The following EIF2S2 variants were observed in gnomAD, a reference collection of about 807,000 sequenced individuals.
EIF2S2 encodes eukaryotic translation initiation factor 2 subunit 2.
A neutral mutation model predicts 44.0 loss-of-function variants in EIF2S2; 4 were observed. The ratio of observed to expected loss-of-function variants is 0.09; its 90% CI spans 0.04 to 0.21. The LOEUF is 0.21. Among genes scored for constraint, EIF2S2 ranks in the 10% least tolerant of loss-of-function variants. EIF2S2 has a pLI of 1.00. For synonymous variants in EIF2S2, 108 were observed against 128.3 expected (o/e 0.84, Z 1.07); for missense variants, 154 against 392.0 (o/e 0.39, Z 5.13).
At chr20:34,097,367 G>T in intron 5 of EIF2S2, 49 bp downstream of exon 5, 2 of 1,450,212 alleles carry the variant, frequency 1.4e-6, no homozygotes, top group South Asian at 2.3e-5. Flanking sequence ...GCTCTTCTTT[G>T]AGCACTAGTG....
chr20:34,098,238 C>T (rs1029177103), intron 4 of EIF2S2, among the ~76,000 whole-genome samples: 5 of 149,482 alleles, frequency 3.3e-5, no homozygotes. Context: ...AAGAGTGAGA[C>T]TCCGTCTCAA....
intron 1 of EIF2S2, among the ~76,000 whole-genome samples, chr20:34,107,127 G>A (rs867627773): frequency 6.6e-6 from 1 of 151,920 alleles, no homozygotes; most frequent in African/African-American, 2.4e-5. Flanking sequence ...GCAGTGAGCC[G>A]AGATCGTGCC....
rs568610722 is a variant in EIF2S2 at position 34,092,498 on chromosome 20, G to A, written c.740+1177C>T. ...ATCCTGGCTAACACGGTGAAACCTC[G>A]TCTACTAAAAATACAAAAAATTAGC... On this transcript the variant is annotated intron_variant, in intron 7 of 8. Coordinates refer to ENST00000374980, the MANE Select transcript of EIF2S2 (RefSeq NM_003908.5). Among the ~76,000 whole-genome samples, 52 of 152,130 alleles carry A rather than the reference G, an allele frequency of 3.4e-4. No individual in the cohort carries two copies. The South Asian group carries it at 5.2e-3, about 15-fold the overall frequency.
At chr20:34,098,743 G>T in intron 3 of EIF2S2, 110 bp from the exon 4 acceptor site, 1 of 1,313,406 alleles carries the variant, frequency 7.6e-7, no homozygotes, top group Non-Finnish European at 1.0e-6. Flanking sequence ...GCTCAGGCTA[G>T]TCTCAAACTC....
At chr20:34,100,068 G>A (rs2034278014) in intron 3 of EIF2S2, among the ~76,000 whole-genome samples, 1 of 152,176 alleles carries the variant, frequency 6.6e-6, no homozygotes, top group Non-Finnish European at 1.5e-5. Context: ...AGGCTGGAGT[G>A]CAGTGGCATG....
At chr20:34,109,146 C>A (rs569799036) in intron 1 of EIF2S2, among the ~76,000 whole-genome samples, 10 of 152,190 alleles carry the variant, frequency 6.6e-5, no homozygotes, top group Admixed American at 2.6e-4. Context: ...TAACTTCACA[C>A]AACACACATC....
chr20:34,101,849 A>G (rs1165168654), intron 3 of EIF2S2, among the ~76,000 whole-genome samples: 1 of 151,874 alleles, frequency 6.6e-6, no homozygotes, highest in East Asian at 1.9e-4. Context: ...TAATTTTTGT[A>G]TTTTTAGTAG....
intron 7 of EIF2S2, among the ~76,000 whole-genome samples, chr20:34,090,905 T>A (rs928735959): frequency 1.3e-5 from 2 of 151,816 alleles, no homozygotes; most frequent in African/African-American, 4.8e-5. Context: ...CTCCCCACTG[T>A]GCCCTGCTAA....
intron 3 of EIF2S2, among the ~76,000 whole-genome samples, 172 bp from the exon 4 acceptor site, chr20:34,098,805 G>GGCA (rs1486614184): frequency 3.3e-5 from 5 of 152,162 alleles, no homozygotes; most frequent in Admixed American, 1.3e-4. Flanking sequence ...TGGGATTACA[G>GGCA]GCATGAGCCA....
chr20:34,097,085 T>C (rs2034237941), intron 5 of EIF2S2, among the ~76,000 whole-genome samples: 1 of 152,142 alleles, frequency 6.6e-6, no homozygotes, highest in Non-Finnish European at 1.5e-5. Flanking sequence ...AAAAGTAAGA[T>C]TCAGGAAAGC....
intron 1 of EIF2S2, among the ~76,000 whole-genome samples, chr20:34,105,837 T>C (rs1236425519): frequency 6.6e-6 from 1 of 152,204 alleles, no homozygotes; most frequent in Non-Finnish European, 1.5e-5. Flanking sequence ...TCATGGAATT[T>C]AGGGAAGGGA....
At position 34,112,227 on chromosome 20, in the gene EIF2S2, C is replaced by T; in HGVS notation, c.-117G>A. On this transcript the variant is annotated 5_prime_UTR_variant, in exon 1 of 9. Transcript: ENST00000374980. ...CCACCACCGCACTAGGCTCTTGCATCAGCGAAAGGAAACGACACCCCGCCC... is the reference window on the plus strand; with the variant it reads ...CCACCACCGCACTAGGCTCTTGCATTAGCGAAAGGAAACGACACCCCGCCC... 8.5e-7 allele frequency: 1 copy of T among 1,179,348 alleles called. No homozygotes were observed. Among genetic ancestry groups the T allele is most frequent in the Middle Eastern group, 3.1e-4 (1 of 3,212 alleles). The allele number at this position is 1,179,348 out of a possible 1,614,324, so 73.1% of individuals were successfully genotyped here. A position where few individuals can be genotyped will look rare whatever the true frequency, so the allele number is the denominator to read the frequency against.
intron 2 of EIF2S2, among the ~76,000 whole-genome samples, chr20:34,104,966 TG>T (rs1265237038): frequency 6.6e-6 from 1 of 152,240 alleles, no homozygotes; most frequent in African/African-American, 2.4e-5. Flanking sequence ...TAACTAAAGC[TG>T]GTGTCTAACC....
chr20:34,106,445 TA>T (rs1450331352), intron 1 of EIF2S2, among the ~76,000 whole-genome samples: 19 of 100,762 alleles, frequency 1.9e-4, no homozygotes, highest in African/African-American at 7.3e-4. Flanking sequence ...TTTTTTTTTT[TA>T]AATGAAACAG....
intron 1 of EIF2S2, among the ~76,000 whole-genome samples, chr20:34,106,389 C>A (rs1462862040): frequency 1.3e-5 from 2 of 151,114 alleles, no homozygotes; most frequent in Non-Finnish European, 2.9e-5. Context: ...AACCTCTATA[C>A]AACATTTCAC....
intron 7 of EIF2S2, among the ~76,000 whole-genome samples, chr20:34,091,540 A>C (rs1363772566): frequency 6.6e-6 from 1 of 151,784 alleles, no homozygotes; most frequent in Non-Finnish European, 1.5e-5. Flanking sequence ...ATATGGTGGA[A>C]CCCCGTCTCT....
chr20:34,097,205 G>C (rs1472481482), intron 5 of EIF2S2, among the ~76,000 whole-genome samples: 1 of 152,232 alleles, frequency 6.6e-6, no homozygotes, highest in African/African-American at 2.4e-5. Flanking sequence ...TTCAGGTGGG[G>C]ACAGTGAGTA....
rs1462281705 is a variant in EIF2S2, at chr20:34,089,748, G to A, written c.984C>T (p.Leu328=). Reference sequence around the variant, plus strand: ...TAGCAAATTAGTTAGCTTTGGCACGGAGCTGTGCTCGCTTGCCCGTGACAG... The same window carrying A: ...TAGCAAATTAGTTAGCTTTGGCACGAAGCTGTGCTCGCTTGCCCGTGACAG... ...FQAVTGKRAQ[L]RAKAN is the part of the protein sequence containing the mutation. The change falls in exon 9 of 9, where the codon CTC becomes CTT. Residue 328 remains leucine, a synonymous_variant. Transcript: ENST00000374980. 6 of 1,611,722 alleles carry A rather than the reference G, an allele frequency of 3.7e-6. No individual in the cohort carries two copies. The highest frequency in any genetic ancestry group is 5.1e-6 in the Non-Finnish European group (6 of 1,179,548).
At position 34,095,352 on chromosome 20, in the gene EIF2S2, C is replaced by T. The variant is rs2034215621; in HGVS notation, c.683+1305G>A. 2.7e-5 allele frequency among the ~76,000 whole-genome samples: 4 copies of T among 147,258 alleles called. No homozygotes were observed. In the Admixed American group the frequency reaches 2.7e-4, roughly 10 times the overall value. ...TTTTGACAGAGTCTCACACTATTGC[C>T]CAGGCTGTAGTGTGCAATGGCACAA... is the stretch of plus-strand genomic sequence containing the variant. On this transcript the variant is annotated intron_variant, in intron 6 of 8. Transcript: ENST00000374980.
Sources: allele counts gnomAD v4.1 joint callset (sites outside exome capture counted in the v4.1 genomes callset), GRCh38; gene constraint gnomAD v4.1.1; transcripts MANE v1.5; gene names NCBI Gene and HGNC (gene_info 2026-07-23, HGNC 2026-07-21).